Variants in PBX1 observed in about 807,000 individuals in gnomAD.
PBX1 encodes the protein pre-B-cell leukemia transcription factor 1.
A neutral mutation model predicts 53.4 loss-of-function variants in PBX1; 6 were observed. The ratio of observed to expected loss-of-function variants is 0.11; its 90% CI spans 0.06 to 0.22. The LOEUF (loss-of-function observed/expected upper bound fraction) is 0.22. Among genes scored for constraint, PBX1 ranks in the 10% least tolerant of loss-of-function variants. PBX1 has a pLI of 1.00. For missense variants in PBX1, 251 were observed against 551.4 expected, an observed-to-expected ratio of 0.46 and a Z score of 5.46; for synonymous variants, 204 against 212.3, an observed-to-expected ratio of 0.96 and a Z score of 0.34.
chr1:164,718,437 G>A (rs1225085392), intron 2 of PBX1, among the ~76,000 whole-genome samples: 1 of 152,198 alleles, frequency 6.6e-6, no homozygotes, highest in East Asian at 1.9e-4. Flanking sequence ...CTTCACTAAT[G>A]GGCGTTGTTC....
intron 2 of PBX1, among the ~76,000 whole-genome samples, chr1:164,744,045 GA>G (rs1311108809): frequency 6.6e-6 from 1 of 152,130 alleles, no homozygotes; most frequent in Non-Finnish European, 1.5e-5. Context: ...GGACACGATT[GA>G]TTAGTCTTGA....
intron 2 of PBX1, among the ~76,000 whole-genome samples, chr1:164,688,481 C>T (rs1330622303): frequency 6.6e-6 from 1 of 152,198 alleles, no homozygotes; most frequent in Non-Finnish European, 1.5e-5. Context: ...GCAAAACTTA[C>T]TTCCGCATTT....
chr1:164,860,596 C>T (rs1454063014), intron 2 of PBX1, among the ~76,000 whole-genome samples: 1 of 152,066 alleles, frequency 6.6e-6, no homozygotes, highest in Non-Finnish European at 1.5e-5. Context: ...CACTCAGACC[C>T]ACTTACGTAC....
chr1:164,659,141 A>T (rs1332742734), intron 2 of PBX1, among the ~76,000 whole-genome samples: 1 of 152,172 alleles, frequency 6.6e-6, no homozygotes, highest in Non-Finnish European at 1.5e-5. Context: ...GGACACAGAG[A>T]GGGAATATTT....
chr1:164,634,040 C>T (rs868434358), intron 2 of PBX1, among the ~76,000 whole-genome samples: 13 of 152,334 alleles, frequency 8.5e-5, no homozygotes, highest in Middle Eastern at 6.8e-3. Context: ...GTGGCACAGC[C>T]GTGGATGAAC....
chr1:164,806,492 A>G (rs1364670433), intron 4 of PBX1, among the ~76,000 whole-genome samples: 1 of 152,170 alleles, frequency 6.6e-6, no homozygotes. Context: ...AAAATGTTAC[A>G]TGCATTTACA....
intron 2 of PBX1, among the ~76,000 whole-genome samples, chr1:164,882,350 T>C (rs1672680076): frequency 6.6e-6 from 1 of 152,220 alleles, no homozygotes; most frequent in African/African-American, 2.4e-5. Context: ...CTCCTCATTT[T>C]CATGGCTTCA....
chr1:164,687,187 A>G (rs1662155712), intron 2 of PBX1, among the ~76,000 whole-genome samples: 1 of 152,130 alleles, frequency 6.6e-6, no homozygotes, highest in South Asian at 2.1e-4. Flanking sequence ...TTGGAACATA[A>G]GGAAGAGAGG....
intron 3 of PBX1, among the ~76,000 whole-genome samples, chr1:164,794,852 ACAAGCC>A (rs1430136359): frequency 6.6e-6 from 1 of 152,164 alleles, no homozygotes; most frequent in East Asian, 1.9e-4. Flanking sequence ...AGGACACAAG[ACAAGCC>A]CAGAGTGCGA....
rs748459643 is a variant in PBX1 at position 164,821,595 on chromosome 1, C to T, written c.1169C>T (p.Ala390Val). 1.2e-6 allele frequency: 2 copies of T among 1,613,958 alleles called. No individual in the cohort carries two copies. Among genetic ancestry groups the T allele is most frequent in the Non-Finnish European group, 1.7e-6 (2 of 1,179,882 alleles). ...QTGGYSDGLAASQMYSPQGIS... is the reference protein window; with the variant it reads ...QTGGYSDGLAVSQMYSPQGIS... ...GGAGGATACAGTGATGGACTCGCAG[C>T]CAGTCAGATGTACAGTCCGCAGGGC... The change falls in exon 8 of 9, where the codon GCC becomes GTC. Residue 390 changes from alanine to valine, a missense_variant. Physicochemically the swap from Ala to Val is moderately conservative, Grantham distance 64 (BLOSUM62 0). This residue lies in a region of PBX1 where 92 missense variants were observed against 130.4 expected (regional missense o/e 0.71). Transcript: ENST00000420696.
intron 2 of PBX1, among the ~76,000 whole-genome samples, chr1:164,686,786 G>A (rs1322414979): frequency 5.3e-5 from 8 of 151,852 alleles, no homozygotes; most frequent in African/African-American, 9.7e-5. Context: ...ATGAAACCCC[G>A]TCTCTACTAA....
intron 2 of PBX1, among the ~76,000 whole-genome samples, chr1:164,632,801 CA>C (rs1658494457): frequency 6.6e-6 from 1 of 152,052 alleles, no homozygotes; most frequent in Non-Finnish European, 1.5e-5. Flanking sequence ...GTGCTCTCCA[CA>C]AGTTTGATGT....
In PBX1 at chr1:164,700,785, CT is replaced by C. The variant is rs1330295188; in HGVS notation, c.266-91703del. On this transcript the variant is annotated intron_variant, in intron 2 of 8. Transcript: ENST00000420696. Reference sequence around the variant, plus strand: ...TTTCCCTTGTGTTGGGTTTCTATGACTTTTTTCACCCATCTTTGTGTTTTGG... The same window carrying C: ...TTTCCCTTGTGTTGGGTTTCTATGACTTTTTCACCCATCTTTGTGTTTTGG... 16 of 951,550 alleles carry C rather than the reference CT, an allele frequency of 1.7e-5. No individual in the cohort carries two copies. In the African/African-American group the frequency reaches 2.7e-4, roughly 16 times the overall value. 58.9% of individuals were successfully genotyped at this position (951,550 alleles called of 1,614,324 possible).
chr1:164,599,925 A>AGT (rs1656044013), intron 2 of PBX1, among the ~76,000 whole-genome samples: 1 of 152,022 alleles, frequency 6.6e-6, no homozygotes, highest in South Asian at 2.1e-4. Flanking sequence ...AGTTGAAGCC[A>AGT]GTGTGTGTGC....
chr1:164,619,142 C>T (rs562295962), intron 2 of PBX1, among the ~76,000 whole-genome samples: 29 of 152,244 alleles, frequency 1.9e-4, no homozygotes, highest in African/African-American at 6.7e-4. Flanking sequence ...GAAACCAGCT[C>T]TCTGCCACAC....
intron 8 of PBX1, among the ~76,000 whole-genome samples, chr1:164,824,952 C>A (rs1190801552): frequency 6.6e-6 from 1 of 152,192 alleles, no homozygotes; most frequent in East Asian, 1.9e-4. Flanking sequence ...CTCTCCCACA[C>A]ACCCTCTGAA....
At chr1:164,870,269 CTTTCTTT>C (rs1672331204) in intron 2 of PBX1, among the ~76,000 whole-genome samples, 1 of 15,350 alleles carries the variant, frequency 6.5e-5, no homozygotes, top group African/African-American at 2.3e-4. Flanking sequence ...TTCCTTCCTT[CTTTCTTT>C]CTTTCTTTCT....
At chr1:164,678,440 T>A (rs548696441) in intron 2 of PBX1, among the ~76,000 whole-genome samples, 1 of 152,296 alleles carries the variant, frequency 6.6e-6, no homozygotes, top group African/African-American at 2.4e-5. Flanking sequence ...TGAAAGAGAA[T>A]AGTTTTGTGC....
chr1:164,879,725 G>A (rs1247839749), intron 2 of PBX1, among the ~76,000 whole-genome samples: 1 of 152,222 alleles, frequency 6.6e-6, no homozygotes, highest in East Asian at 1.9e-4. Flanking sequence ...GCATACTAAA[G>A]TAATGGGAGT....
Sources: allele counts gnomAD v4.1 joint callset (sites outside exome capture counted in the v4.1 genomes callset), GRCh38; gene constraint gnomAD v4.1.1; regional missense constraint gnomAD v4.1.1; transcripts MANE v1.5; gene names NCBI Gene and HGNC (gene_info 2026-07-23, HGNC 2026-07-21).